Variants in MTRR observed in about 807,000 individuals in gnomAD.
MTRR encodes the protein 5-methyltetrahydrofolate-homocysteine methyltransferase reductase, also known as methionine synthase reductase.
In MTRR, 63 loss-of-function variants were observed where a neutral mutation model predicts 79.2. The ratio of observed to expected loss-of-function variants is 0.80; its 90% CI spans 0.65 to 0.98. MTRR has a LOEUF of 0.98. Ranked by LOEUF, MTRR falls within the 50% of genes least tolerant of loss-of-function variation. The pLI is 0.00. For synonymous variants in MTRR, 355 were observed against 313.3 expected, an observed-to-expected ratio of 1.13 and a Z score of -1.41; for missense variants, 895 against 839.6, an observed-to-expected ratio of 1.07 and a Z score of -0.82.
At chr5:7,896,726 AT>A in intron 12 of MTRR, 137 bp from the exon 13 acceptor site, 1 of 752,134 alleles carries the variant, frequency 1.3e-6, no homozygotes, top group Non-Finnish European at 2.3e-6. Flanking sequence ...TAAAATGCTA[AT>A]TAAATGACTG....
rs756074729 is a variant in MTRR, at chr5:7,870,835, A to C, written c.41A>C (p.Gln14Pro). 2 of 1,614,124 alleles carry C rather than the reference A, an allele frequency of 1.2e-6. No individual in the cohort carries two copies. ...FLLLYATQQG[Q>P]AKAIAEEICE... ...TTACTATATGCTACACAGCAGGGACAGGCAAAGGCCATCGCAGAAGAAATA... is the reference window on the plus strand; with the variant it reads ...TTACTATATGCTACACAGCAGGGACCGGCAAAGGCCATCGCAGAAGAAATA... Residue 14 changes from glutamine to proline, a missense_variant, in exon 2 of 15, where the codon CAG (glutamine) becomes CCG (proline). Gln to Pro is a moderately conservative substitution (Grantham distance 76). Coordinates refer to ENST00000440940, the MANE Select transcript of MTRR (RefSeq NM_002454.3).
In MTRR at chr5:7,871,300, C is replaced by T. The variant is rs1747954378; in HGVS notation, c.129+377C>T. The stretch of plus-strand genomic sequence containing the variant: ...TTTTTTCCCCAAAAGAAAGGCCTTG[C>T]CGTGCGTGTTAGAGTTCCTCCTGAT... On this transcript the variant is annotated intron_variant, in intron 2 of 14. Transcript: ENST00000440940. Among the ~76,000 whole-genome samples, 7 of 152,130 alleles carry T rather than the reference C, an allele frequency of 4.6e-5. No individual in the cohort carries two copies. The South Asian group carries it at 1.5e-3, about 32-fold the overall frequency.
chr5:7,865,928 T>C, upstream of MTRR: 1 of 1,614,046 alleles, frequency 6.2e-7, no homozygotes, highest in South Asian at 1.1e-5. Context: ...GGACTGAGGC[T>C]AAGAAAAGTT....
intron 5 of MTRR, among the ~76,000 whole-genome samples, chr5:7,881,358 C>G (rs1735561566): frequency 6.6e-6 from 1 of 151,908 alleles, no homozygotes; most frequent in African/African-American, 2.4e-5. Flanking sequence ...GTCTAGCAAC[C>G]AGAAGAGGGG....
At chr5:7,897,319 G>T (rs1004761752) in intron 14 of MTRR, 72 bp downstream of exon 14, 4 of 1,470,916 alleles carry the variant, frequency 2.7e-6, no homozygotes, top group Non-Finnish European at 3.8e-6. Context: ...AAAAAGGACC[G>T]AGAAGCCAAT....
rs763970135 is a variant in MTRR at position 7,895,734 on chromosome 5, A to G, written c.1558A>G (p.Ile520Val). Residue 520 changes from isoleucine (I) to valine (V), a missense_variant and splice_region_variant, in exon 12 of 15, where the codon ATA becomes GTA. By Grantham distance (29) the Ile-to-Val change is conservative. Coordinates refer to ENST00000440940, the MANE Select transcript of MTRR (RefSeq NM_002454.3). ...TACCACATTTGATGTAATATTTCAG[A>G]TATCCATCTCTCCTCGAACAACAAA... ...EDSGKALAPK[I>V]SISPRTTNSF... 2 of 1,613,986 alleles carry G rather than the reference A, an allele frequency of 1.2e-6. No individual in the cohort carries two copies. Among genetic ancestry groups the G allele is most frequent in the Non-Finnish European group, 1.7e-6 (2 of 1,179,902 alleles).
chr5:7,861,120 G>T, intron 1 of MTRR: 3 of 1,397,642 alleles, frequency 2.1e-6, no homozygotes, highest in Non-Finnish European at 3.0e-6. Flanking sequence ...TTTGCTTTTG[G>T]GAAACAAAAA....
intron 1 of MTRR, chr5:7,869,996 C>T (rs1747635285): frequency 7.1e-6 from 7 of 984,932 alleles, no homozygotes; most frequent in African/African-American, 1.7e-5. Context: ...CAGTTTAAAT[C>T]TGTCTCTGCA....
chr5:7,896,591 C>G, intron 12 of MTRR: 1 of 509,038 alleles, frequency 2.0e-6, no homozygotes, highest in Non-Finnish European at 3.6e-6. Context: ...ATGTAGAGCT[C>G]TCTCTAGATC....
intron 1 of MTRR, chr5:7,859,359 A>G: frequency 1.2e-6 from 1 of 857,504 alleles, no homozygotes; most frequent in Non-Finnish European, 1.8e-6. Flanking sequence ...TGGCTAATTC[A>G]CATTATATTT....
chr5:7,851,329 T>A (rs558578395), exon 1 of MTRR: 2 of 301,190 alleles, frequency 6.6e-6, no homozygotes, highest in African/African-American at 2.2e-5. Context: ...CCCGCTCACC[T>A]TTCCCATGCA....
intron 14 of MTRR, among the ~76,000 whole-genome samples, chr5:7,898,527 C>T (rs13163363): frequency 0.3 from 45,393 of 152,006 alleles, 7,329 homozygotes; most frequent in Middle Eastern, 0.44. Context: ...ATTGATCGTC[C>T]GTCAGGGAAG....
At chr5:7,868,300 T>C, upstream of MTRR, 1 of 489,314 alleles carries the variant, frequency 2.0e-6, no homozygotes, top group East Asian at 3.3e-5. Context: ...CATTGAACAA[T>C]AACAATCGCT....
intron 2 of MTRR, among the ~76,000 whole-genome samples, chr5:7,862,428 A>G (rs1228873892): frequency 6.6e-6 from 1 of 152,182 alleles, no homozygotes; most frequent in African/African-American, 2.4e-5. Flanking sequence ...AAATAGCCAC[A>G]TGGTCTAGTG....
In MTRR at chr5:7,875,387, G is replaced by A; in HGVS notation, c.401+12G>A. 4 of 1,583,898 alleles carry A rather than the reference G, an allele frequency of 2.5e-6. No individual in the cohort carries two copies. Among genetic ancestry groups the A allele is most frequent in the Non-Finnish European group, 2.6e-6 (3 of 1,152,566 alleles). ...GATGACTGTGTAGGGTAAGGGCAGTGTTCTCTGTTTACTCCAATAAGCCCT... is the reference window on the plus strand; with the variant it reads ...GATGACTGTGTAGGGTAAGGGCAGTATTCTCTGTTTACTCCAATAAGCCCT... On this transcript the variant is annotated intron_variant, in intron 4 of 14. Transcript: ENST00000440940.
At chr5:7,854,991 T>C (rs1293711487) in intron 1 of MTRR, among the ~76,000 whole-genome samples, 1 of 152,160 alleles carries the variant, frequency 6.6e-6, no homozygotes, top group East Asian at 1.9e-4. Context: ...GCCCTTTGGT[T>C]TAATAGGAAA....
intron 11 of MTRR, among the ~76,000 whole-genome samples, chr5:7,895,411 T>C (rs1333852633): frequency 6.6e-6 from 1 of 152,196 alleles, no homozygotes; most frequent in Non-Finnish European, 1.5e-5. Context: ...ATATATGCTA[T>C]TGTCTGCCCA....
chr5:7,866,579 T>G, upstream of MTRR: 1 of 1,207,370 alleles, frequency 8.3e-7, no homozygotes, highest in Non-Finnish European at 1.2e-6. Context: ...CCTTTATATG[T>G]GACTTGAAAC....
intron 12 of MTRR, among the ~76,000 whole-genome samples, chr5:7,896,244 G>A (rs1252081832): frequency 1.3e-5 from 2 of 152,170 alleles, no homozygotes; most frequent in African/African-American, 2.4e-5. Flanking sequence ...TCAAACATCA[G>A]TAATTTTCAA....
Sources: gnomAD v4.1 joint callset for allele counts (sites outside exome capture counted in the v4.1 genomes callset) on GRCh38, gnomAD v4.1.1 for gene constraint, MANE v1.5 for transcripts, NCBI Gene and HGNC (gene_info 2026-07-23, HGNC 2026-07-21) for gene names.